Variants in INTU observed in about 807,000 individuals in gnomAD.
INTU encodes inturned planar cell polarity protein.
A neutral mutation model predicts 100.5 loss-of-function variants in INTU; 68 were observed. The ratio of observed to expected loss-of-function variants is 0.68; its 90% CI spans 0.56 to 0.83. The LOEUF is 0.83. Ranked by LOEUF, INTU falls within the 40% of genes least tolerant of loss-of-function variation. The probability of loss-of-function intolerance (pLI) is 0.00; values close to 1 mark genes in which losing one functional copy is unlikely to be tolerated. For synonymous variants in INTU, 357 were observed against 395.7 expected (o/e 0.90, Z 1.16); for missense variants, 1,071 against 1,114.7 (o/e 0.96, Z 0.56).
At chr4:127,656,112 G>T (rs982481255) in intron 2 of INTU, among the ~76,000 whole-genome samples, 2 of 152,054 alleles carry the variant, frequency 1.3e-5, no homozygotes, top group African/African-American at 4.8e-5. Flanking sequence ...ACTGACCTAC[G>T]CCCACTGTCT....
intron 3 of INTU, 94 bp from the exon 4 acceptor site, chr4:127,663,287 C>A: frequency 1.2e-6 from 1 of 824,458 alleles, no homozygotes; most frequent in Non-Finnish European, 2.0e-6. Flanking sequence ...ACTGTACATA[C>A]CTGGGTGTAT....
chr4:127,707,708 C>A (rs940867432), intron 12 of INTU, among the ~76,000 whole-genome samples: 1 of 151,898 alleles, frequency 6.6e-6, no homozygotes, highest in African/African-American at 2.4e-5. Flanking sequence ...AAAATCTGAA[C>A]CTTTGTAACA....
chr4:127,660,419 A>G (rs1728426184), intron 3 of INTU, among the ~76,000 whole-genome samples: 1 of 152,176 alleles, frequency 6.6e-6, no homozygotes, highest in Admixed American at 6.5e-5. Context: ...GGGAAAGGAC[A>G]ACACATGCAG....
chr4:127,666,358 T>G (rs1459080095), intron 4 of INTU, among the ~76,000 whole-genome samples: 11 of 152,164 alleles, frequency 7.2e-5, no homozygotes, highest in Non-Finnish European at 1.5e-4. Context: ...TTGACTAAAC[T>G]TATTGCTTGA....
intron 1 of INTU, among the ~76,000 whole-genome samples, chr4:127,635,110 A>T (rs1393712856): frequency 1.3e-5 from 2 of 152,224 alleles, no homozygotes; most frequent in Non-Finnish European, 2.9e-5. Context: ...TTTAGAAGTT[A>T]CTGTTTCATA....
chr4:127,687,941 T>C, intron 8 of INTU, 74 bp downstream of exon 8: 1 of 1,048,694 alleles, frequency 9.5e-7, no homozygotes, highest in Middle Eastern at 2.9e-4. Flanking sequence ...CTTTTTTTCG[T>C]AGACTTTTTG....
Position 127,706,811 on chromosome 4 carries a change from C to T in INTU, c.2113C>T (p.Arg705Cys), listed in dbSNP as rs990640805. 5.6e-6 allele frequency: 9 copies of T among 1,613,988 alleles called. No homozygotes were observed. The highest frequency in any genetic ancestry group is 2.2e-5 in the East Asian group (1 of 44,890). ...TTTTGGTGACTATTCCTTAAAGACA[C>T]GCAAGCCTAGTCCTTCCTGTAGTAG... ...TLFGDYSLKT[R>C]KPSPSCSSGG... Residue 705 changes from arginine to cysteine, a missense_variant, in exon 12 of 16, where the codon CGC becomes TGC. Transcript: ENST00000335251.
At chr4:127,641,646 G>T (rs536930440) in intron 1 of INTU, among the ~76,000 whole-genome samples, 1 of 152,196 alleles carries the variant, frequency 6.6e-6, no homozygotes, top group East Asian at 1.9e-4. Context: ...TGACTCTCCT[G>T]TATGCCTCTA....
At chr4:127,677,898 G>C (rs940102230) in intron 6 of INTU, among the ~76,000 whole-genome samples, 2 of 152,216 alleles carry the variant, frequency 1.3e-5, no homozygotes, top group Non-Finnish European at 2.9e-5. Flanking sequence ...ATACAGAGAA[G>C]TGCTTAAAGG....
rs1052003663 is a variant in INTU, at chr4:127,721,270, C to A, written c.*4834C>A. 6.6e-6 allele frequency: 1 copy of A among 152,186 alleles called. No homozygotes were observed. Among genetic ancestry groups the A allele is most frequent in the African/African-American group, 2.4e-5 (1 of 41,452 alleles). The allele number at this position is 152,186 out of a possible 1,614,324, so 9.4% of individuals were successfully genotyped here. A position where few individuals can be genotyped will look rare whatever the true frequency, so the allele number is the denominator to read the frequency against. On this transcript the variant is annotated 3_prime_UTR_variant, in exon 16 of 16. Coordinates refer to ENST00000335251, the MANE Select transcript of INTU (RefSeq NM_015693.4). ...GATATGAAATTCTAGGTTGGAAATT[C>A]TTTCCTTTAAGAATGTTGAAAATTG...
In INTU at chr4:127,725,155, A is replaced by AAAATT. The variant is rs1731399766; in HGVS notation, c.*8721_*8722insATTAA. ...ACTAAAAAAAAAAAAAAAAAAAAAA[A>AAAATT]AATTAGCCGGGCATGGTGGCAGGTG... is the stretch of plus-strand genomic sequence containing the variant. On this transcript the variant is annotated 3_prime_UTR_variant, in exon 16 of 16. Coordinates refer to ENST00000335251, the MANE Select transcript of INTU (RefSeq NM_015693.4). 1 of 151,238 alleles carries AAAATT rather than the reference A, an allele frequency of 6.6e-6. No individual in the cohort carries two copies. The highest frequency in any genetic ancestry group is 2.1e-4 in the South Asian group (1 of 4,796). The allele number at this position is 151,238 out of a possible 1,614,324, so 9.4% of individuals were successfully genotyped here.
intron 4 of INTU, among the ~76,000 whole-genome samples, chr4:127,668,569 T>C (rs1424258540): frequency 6.6e-6 from 1 of 151,864 alleles, no homozygotes; most frequent in Non-Finnish European, 1.5e-5. Flanking sequence ...ACCAAAAATG[T>C]TGAATATTGT....
intron 2 of INTU, among the ~76,000 whole-genome samples, chr4:127,651,336 GT>G (rs540031562): frequency 0.02 from 2,987 of 152,214 alleles, 96 homozygotes; most frequent in African/African-American, 0.068. Flanking sequence ...TTCTTCTAGG[GT>G]TTTTATGGTT....
intron 6 of INTU, 121 bp downstream of exon 6, chr4:127,674,334 C>A (rs1729075270): frequency 2.9e-6 from 2 of 697,174 alleles, no homozygotes; most frequent in East Asian, 2.8e-5. Flanking sequence ...GTTTAAAGAT[C>A]TATTGCACTA....
In INTU at chr4:127,706,976, G is replaced by A; in HGVS notation, c.2271+7G>A. The stretch of plus-strand genomic sequence containing the variant: ...AAGTGGGACCTTGCTTAAGGTGTGT[G>A]CTTATTCAAGTGTGTATGTTCTGGG... On this transcript the variant is annotated splice_region_variant and intron_variant, in intron 12 of 15. Coordinates refer to ENST00000335251, the MANE Select transcript of INTU (RefSeq NM_015693.4). 3.1e-6 allele frequency: 5 copies of A among 1,606,844 alleles called. No individual in the cohort carries two copies. The highest frequency in any genetic ancestry group is 4.3e-6 in the Non-Finnish European group (5 of 1,176,184).
chr4:127,641,424 A>T (rs955737639), intron 1 of INTU, among the ~76,000 whole-genome samples: 2 of 152,070 alleles, frequency 1.3e-5, no homozygotes, highest in African/African-American at 4.8e-5. Context: ...GGCCATGGGG[A>T]CTATCCTCAG....
Position 127,706,737 on chromosome 4 carries a change from T to C in INTU, c.2039T>C (p.Leu680Pro), listed in dbSNP as rs748956620. The change falls in exon 12 of 16, where the codon CTA becomes CCA. Residue 680 changes from leucine to proline, a missense_variant. Physicochemically the swap from Leu to Pro is moderately conservative, Grantham distance 98 (BLOSUM62 -3). Coordinates refer to ENST00000335251, the MANE Select transcript of INTU (RefSeq NM_015693.4). ...SLTTSPILSR[L>P]QGTSKVATSP... is the part of the protein sequence containing the mutation. ...ACCACTTCGCCTATTCTCAGTAGGC[T>C]ACAAGGTACTTCCAAAGTAGCAACT... The C allele has an allele frequency of 6.2e-7, 1 of 1,614,108 alleles. No homozygotes were observed. The highest frequency in any genetic ancestry group is 2.2e-5 in the East Asian group (1 of 44,888).
chr4:127,649,894 T>A (rs1255200343), intron 2 of INTU, among the ~76,000 whole-genome samples: 1 of 152,172 alleles, frequency 6.6e-6, no homozygotes, highest in Non-Finnish European at 1.5e-5. Flanking sequence ...AAAAATAACT[T>A]TGGTATGTCT....
At chr4:127,715,779 A>G (rs1164299529) in intron 15 of INTU, among the ~76,000 whole-genome samples, 1 of 152,226 alleles carries the variant, frequency 6.6e-6, no homozygotes, top group Admixed American at 6.5e-5. Context: ...ATTTATGCAG[A>G]AGAGAAATTT....
Sources: allele counts gnomAD v4.1 joint callset (sites outside exome capture counted in the v4.1 genomes callset), GRCh38; gene constraint gnomAD v4.1.1; transcripts MANE v1.5; gene names NCBI Gene and HGNC (gene_info 2026-07-23, HGNC 2026-07-21).